NFIC: variants seen among roughly 807,000 people sequenced by gnomAD.
NFIC encodes nuclear factor 1 C-type.
NFIC carries 12 observed loss-of-function variants against 54.4 expected under a neutral mutation model. The observed-to-expected ratio is 0.22, with a 90% CI of 0.14 to 0.36. NFIC has a LOEUF of 0.36. Ranked by LOEUF, NFIC falls within the 10% of genes least tolerant of loss-of-function variation. NFIC has a pLI of 1.00. For synonymous variants in NFIC, 322 were observed against 319.2 expected (o/e 1.01, Z -0.09); for missense variants, 575 against 718.2 (o/e 0.80, Z 2.28).
intron 1 of NFIC, chr19:3,371,321 A>ACTTTTTTTTT (rs1555739022): frequency 1.6e-5 from 2 of 124,532 alleles, no homozygotes; most frequent in Non-Finnish European, 1.7e-5. Context: ...AGGCAGCACA[A>ACTTTTTTTTT]TTTTTTTTTT....
intron 1 of NFIC, among the ~76,000 whole-genome samples, chr19:3,381,219 A>AC (rs1363144913): frequency 6.6e-6 from 1 of 151,388 alleles, no homozygotes; most frequent in Non-Finnish European, 1.5e-5. Flanking sequence ...ACATGGTGAA[A>AC]CCCCATCTTT....
chr19:3,360,022 C>A (rs1322855826), intron 1 of NFIC, among the ~76,000 whole-genome samples: 1 of 149,602 alleles, frequency 6.7e-6, no homozygotes, highest in Non-Finnish European at 1.5e-5. Flanking sequence ...CGGGCCAGAC[C>A]CCAGGCGGGA....
chr19:3,394,530 A>ACCCCCCCC (rs1270123415), intron 2 of NFIC, among the ~76,000 whole-genome samples: 2 of 36,628 alleles, frequency 5.5e-5, no homozygotes, highest in South Asian at 1.3e-3. Context: ...CCCACCCCCC[A>ACCCCCCCC]CCCGCTTACA....
At chr19:3,391,192 A>G (rs1300467840) in intron 2 of NFIC, among the ~76,000 whole-genome samples, 2 of 151,726 alleles carry the variant, frequency 1.3e-5, no homozygotes, top group Non-Finnish European at 2.9e-5. Flanking sequence ...TGAGGCTGCA[A>G]TGAGCTATGA....
intron 2 of NFIC, among the ~76,000 whole-genome samples, chr19:3,401,066 C>T (rs1047849412): frequency 2.0e-5 from 3 of 152,134 alleles, no homozygotes; most frequent in Non-Finnish European, 2.9e-5. Flanking sequence ...GGGCACAGCC[C>T]GTGCAAAGGC....
chr19:3,386,851 A>G (rs1247661235), intron 2 of NFIC, among the ~76,000 whole-genome samples: 2 of 152,158 alleles, frequency 1.3e-5, no homozygotes, highest in African/African-American at 4.8e-5. Context: ...ACCTTCTGGC[A>G]GGGTTGTGTG....
rs897684192 is a variant in NFIC, at chr19:3,443,539, C to A, written c.959-5475C>A. Reference sequence around the variant, plus strand: ...CCCCAGCTCCTGGGACTCACCTCCTCTCTCCCTCCCCACTCAAGGTGTGGA... The same window carrying A: ...CCCCAGCTCCTGGGACTCACCTCCTATCTCCCTCCCCACTCAAGGTGTGGA... On this transcript the variant is annotated intron_variant, in intron 6 of 10. Transcript: ENST00000443272. Among the ~76,000 whole-genome samples the A allele has an allele frequency of 3.9e-5, 6 of 152,166 alleles. No homozygotes were observed. In the South Asian group the frequency reaches 1.2e-3, roughly 32 times the overall value.
At chr19:3,376,112 C>T (rs1454454300) in intron 1 of NFIC, among the ~76,000 whole-genome samples, 3 of 152,148 alleles carry the variant, frequency 2.0e-5, no homozygotes, top group Non-Finnish European at 2.9e-5. Flanking sequence ...TTCCCTGCTT[C>T]CTGGAAGATT....
intron 2 of NFIC, among the ~76,000 whole-genome samples, chr19:3,389,332 C>T (rs552572548): frequency 7.0e-4 from 107 of 152,250 alleles, no homozygotes; most frequent in South Asian, 5.8e-3. Context: ...AAGTCCTGCC[C>T]TCTCTGGTCT....
chr19:3,363,786 G>C (rs928600267), upstream of NFIC, among the ~76,000 whole-genome samples: 1 of 152,212 alleles, frequency 6.6e-6, no homozygotes, highest in African/African-American at 2.4e-5. Context: ...GTCACGACTG[G>C]GGGGTGCCCC....
At chr19:3,428,449 CA>C (rs562591211) in intron 3 of NFIC, among the ~76,000 whole-genome samples, 143 of 125,438 alleles carry the variant, frequency 1.1e-3, no homozygotes, top group Non-Finnish European at 1.1e-3. Flanking sequence ...GAGACTGTCT[CA>C]AAAAAAAAAA....
chr19:3,432,191 G>A (rs926003231), intron 3 of NFIC, among the ~76,000 whole-genome samples: 2 of 152,150 alleles, frequency 1.3e-5, no homozygotes, highest in South Asian at 4.1e-4. Context: ...GGACAACTTC[G>A]ATTTCCAAAT....
At chr19:3,421,358 C>T (rs1279870994) in intron 2 of NFIC, among the ~76,000 whole-genome samples, 1 of 152,212 alleles carries the variant, frequency 6.6e-6, no homozygotes, top group Admixed American at 6.5e-5. Context: ...CCCGGACGGC[C>T]GGCTGCCCAG....
chr19:3,397,636 C>T (rs1406366104), intron 2 of NFIC, among the ~76,000 whole-genome samples: 1 of 152,214 alleles, frequency 6.6e-6, no homozygotes, highest in Non-Finnish European at 1.5e-5. Flanking sequence ...CGAGTCTCCT[C>T]CCAGCCCCCC....
At chr19:3,366,106 G>T (rs1002354999), upstream of NFIC, among the ~76,000 whole-genome samples, 1 of 151,508 alleles carries the variant, frequency 6.6e-6, no homozygotes, top group Non-Finnish European at 1.5e-5. Context: ...GGGAGGGGGG[G>T]CCTTAAAAAT....
At chr19:3,405,609 T>G (rs781031945) in intron 2 of NFIC, among the ~76,000 whole-genome samples, 225 of 152,228 alleles carry the variant, frequency 1.5e-3, no homozygotes, top group African/African-American at 4.5e-3. Context: ...ATTTATTTAT[T>G]TATTTTTGAG....
At chr19:3,447,024 T>C (rs7255480) in intron 6 of NFIC, among the ~76,000 whole-genome samples, 24,577 of 151,044 alleles carry the variant, frequency 0.16, 5,030 homozygotes, top group African/African-American at 0.49. Flanking sequence ...CTCGGCTGGG[T>C]GCAGTGGCTC....
chr19:3,395,021 G>A (rs375035399), intron 2 of NFIC, among the ~76,000 whole-genome samples: 11 of 152,022 alleles, frequency 7.2e-5, no homozygotes, highest in African/African-American at 1.9e-4. Context: ...TTGGGTTCTC[G>A]AAAACGTGAG....
intron 3 of NFIC, 47 bp from the exon 4 acceptor site, chr19:3,433,471 A>C: frequency 6.2e-7 from 1 of 1,603,632 alleles, no homozygotes; most frequent in Non-Finnish European, 8.5e-7. Flanking sequence ...TGGGGAAGGG[A>C]AACAGGCCCA....
Sources: allele counts gnomAD v4.1 joint callset (sites outside exome capture counted in the v4.1 genomes callset), GRCh38; gene constraint gnomAD v4.1.1; transcripts MANE v1.5; gene names NCBI Gene and HGNC (gene_info 2026-07-23, HGNC 2026-07-21).